AUTS2: variants seen among roughly 807,000 people sequenced by gnomAD.
AUTS2 encodes activator of transcription and developmental regulator AUTS2, also known as autism susceptibility gene 2 protein.
AUTS2 carries 17 observed loss-of-function variants against 112.4 expected under a neutral mutation model. That is an observed-to-expected ratio of 0.15 (90% CI 0.10 to 0.23). The LOEUF is 0.23. Among genes scored for constraint, AUTS2 ranks in the 10% least tolerant of loss-of-function variants. The probability of loss-of-function intolerance (pLI) is 1.00; values close to 1 mark genes in which losing one functional copy is unlikely to be tolerated. For missense variants in AUTS2, 1,510 were observed against 1,701.6 expected (o/e 0.89, Z 1.98); for synonymous variants, 751 against 702.7 (o/e 1.07, Z -1.09).
intron 4 of AUTS2, among the ~76,000 whole-genome samples, chr7:70,417,071 G>A (rs764015385): frequency 4.6e-5 from 7 of 152,210 alleles, no homozygotes; most frequent in Non-Finnish European, 1.0e-4. Flanking sequence ...AGGCCCTGCC[G>A]AATGCAGACA....
intron 5 of AUTS2, among the ~76,000 whole-genome samples, chr7:70,664,098 T>A (rs987925016): frequency 2.6e-5 from 4 of 152,228 alleles, no homozygotes; most frequent in African/African-American, 4.8e-5. Flanking sequence ...CTGTCCTTAT[T>A]GACAATTTAT....
At chr7:70,250,621 C>G (rs1338073214) in intron 4 of AUTS2, among the ~76,000 whole-genome samples, 1 of 152,148 alleles carries the variant, frequency 6.6e-6, no homozygotes, top group Non-Finnish European at 1.5e-5. Flanking sequence ...CACCCAAATG[C>G]CCATCAGTGG....
At chr7:70,276,302 T>A (rs1387222205) in intron 4 of AUTS2, among the ~76,000 whole-genome samples, 1 of 152,146 alleles carries the variant, frequency 6.6e-6, no homozygotes, top group Non-Finnish European at 1.5e-5. Flanking sequence ...ACTTTCTTAT[T>A]TGCACAAATG....
At chr7:69,860,195 G>A (rs1792913783) in intron 1 of AUTS2, among the ~76,000 whole-genome samples, 1 of 151,914 alleles carries the variant, frequency 6.6e-6, no homozygotes, top group Non-Finnish European at 1.5e-5. Context: ...ATGATGACCT[G>A]AGTTACAGGT....
chr7:70,178,209 A>G (rs1158627804), intron 4 of AUTS2, among the ~76,000 whole-genome samples: 3 of 152,166 alleles, frequency 2.0e-5, no homozygotes, highest in Admixed American at 6.5e-5. Context: ...TGAAGAGTGA[A>G]TGTCCCTGTG....
chr7:70,762,777 G>C, intron 6 of AUTS2, 93 bp from the exon 7 acceptor site: 1 of 936,348 alleles, frequency 1.1e-6, no homozygotes, highest in Admixed American at 1.8e-5. Flanking sequence ...CCTGTTGCTG[G>C]AGTTGTGTGA....
intron 1 of AUTS2, among the ~76,000 whole-genome samples, chr7:69,846,863 AC>A (rs1387367287): frequency 6.6e-6 from 1 of 152,160 alleles, no homozygotes; most frequent in Non-Finnish European, 1.5e-5. Flanking sequence ...ATGAGCCACC[AC>A]ACCCGGCCCC....
chr7:70,535,418 A>G (rs1337295140), intron 5 of AUTS2, among the ~76,000 whole-genome samples: 1 of 151,672 alleles, frequency 6.6e-6, no homozygotes, highest in Admixed American at 6.6e-5. Flanking sequence ...ATATTTATTT[A>G]TATATTTATT....
At chr7:70,121,028 C>T (rs1323854610) in intron 3 of AUTS2, among the ~76,000 whole-genome samples, 1 of 151,992 alleles carries the variant, frequency 6.6e-6, no homozygotes, top group African/African-American at 2.4e-5. Context: ...GAATGGAGAG[C>T]CCAGAAGGGA....
intron 5 of AUTS2, among the ~76,000 whole-genome samples, chr7:70,598,115 G>T (rs1348917900): frequency 2.0e-5 from 3 of 152,176 alleles, no homozygotes; most frequent in Non-Finnish European, 2.9e-5. Flanking sequence ...TGCTGTATGT[G>T]TGCCTCCCAG....
At chr7:70,342,315 A>T (rs1791300868) in intron 4 of AUTS2, among the ~76,000 whole-genome samples, 1 of 151,600 alleles carries the variant, frequency 6.6e-6, no homozygotes, top group African/African-American at 2.4e-5. Context: ...TCTGGCACAT[A>T]ATTTTTTCTT....
At chr7:70,241,205 A>G (rs996117415) in intron 4 of AUTS2, among the ~76,000 whole-genome samples, 2 of 152,218 alleles carry the variant, frequency 1.3e-5, no homozygotes, top group African/African-American at 4.8e-5. Context: ...CCTGTGGTAC[A>G]CATTTGTCAT....
At chr7:69,894,324 A>C (rs1379374096) in intron 1 of AUTS2, among the ~76,000 whole-genome samples, 1 of 111,496 alleles carries the variant, frequency 9.0e-6, no homozygotes, top group Non-Finnish European at 1.7e-5. Context: ...TTTCTCTCCT[A>C]GTGCTTGTGT....
chr7:70,453,250 A>G (rs183033201), intron 5 of AUTS2, among the ~76,000 whole-genome samples: 132 of 152,340 alleles, frequency 8.7e-4, no homozygotes, highest in Non-Finnish European at 1.3e-3. Context: ...GGGAATTTTA[A>G]TGATAGCGTT....
intron 2 of AUTS2, among the ~76,000 whole-genome samples, chr7:70,070,776 G>T (rs897273329): frequency 6.6e-6 from 1 of 152,020 alleles, no homozygotes; most frequent in Non-Finnish European, 1.5e-5. Context: ...GGAGGCTGAG[G>T]CAGGAGAATC....
chr7:70,712,383 C>T (rs992994344), intron 6 of AUTS2, among the ~76,000 whole-genome samples: 4 of 151,870 alleles, frequency 2.6e-5, no homozygotes, highest in Admixed American at 6.6e-5. Context: ...ATTAGCTTTC[C>T]GGTCGCAATG....
At chr7:69,910,544 A>G (rs1317368445) in intron 2 of AUTS2, among the ~76,000 whole-genome samples, 4 of 152,240 alleles carry the variant, frequency 2.6e-5, no homozygotes, top group African/African-American at 9.6e-5. Context: ...GGCAGAAGGC[A>G]ATGAGTAGCA....
At chr7:70,074,321 T>G (rs1478921034) in intron 2 of AUTS2, among the ~76,000 whole-genome samples, 1 of 152,200 alleles carries the variant, frequency 6.6e-6, no homozygotes, top group Non-Finnish European at 1.5e-5. Flanking sequence ...CCTTCACTTT[T>G]CATTATATAG....
intron 1 of AUTS2, among the ~76,000 whole-genome samples, chr7:69,679,650 C>G (rs1796707907): frequency 6.6e-6 from 1 of 152,098 alleles, no homozygotes; most frequent in African/African-American, 2.4e-5. Flanking sequence ...TGGGAATGAT[C>G]TACATTTGGA....
Sources: gnomAD v4.1 joint callset for allele counts (sites outside exome capture counted in the v4.1 genomes callset) on GRCh38, gnomAD v4.1.1 for gene constraint, MANE v1.5 for transcripts, NCBI Gene and HGNC (gene_info 2026-07-23, HGNC 2026-07-21) for gene names.